The following KATNAL1 variants were observed in gnomAD, a reference collection of about 807,000 sequenced individuals.
KATNAL1 encodes katanin p60 ATPase-containing subunit A-like 1.
A neutral mutation model predicts 55.2 loss-of-function variants in KATNAL1; 32 were observed. That is an observed-to-expected ratio of 0.58 (90% CI 0.44 to 0.78). The LOEUF (loss-of-function observed/expected upper bound fraction) is 0.78, where lower values mean the gene tolerates loss of function less well. KATNAL1 is among the 30% of genes least tolerant of loss of function. The pLI, the probability that KATNAL1 is intolerant of heterozygous loss-of-function variation, is 0.00. For missense variants in KATNAL1, 466 were observed against 600.9 expected, an observed-to-expected ratio of 0.78 and a Z score of 2.35; for synonymous variants, 193 against 193.6, an observed-to-expected ratio of 1.00 and a Z score of 0.02.
At chr13:30,272,226 C>T (rs1006969507) in intron 3 of KATNAL1, among the ~76,000 whole-genome samples, 4 of 151,962 alleles carry the variant, frequency 2.6e-5, no homozygotes, top group Admixed American at 6.6e-5. Context: ...GGTGAAACCC[C>T]GTCTCTACTA....
At chr13:30,218,590 G>A (rs1392759222) in intron 9 of KATNAL1, among the ~76,000 whole-genome samples, 1 of 152,096 alleles carries the variant, frequency 6.6e-6, no homozygotes, top group Non-Finnish European at 1.5e-5. Flanking sequence ...CCCTTGAATT[G>A]GTGTGGGCCT....
At position 30,204,225 on chromosome 13, in the gene KATNAL1, G is replaced by C. The variant is rs1056747092; in HGVS notation, c.*4315C>G. On this transcript the variant is annotated 3_prime_UTR_variant, in exon 11 of 11. Transcript: ENST00000380615. ...ATACAAGTTAAGGTGGCCTTTTCTT[G>C]GAAAAGGCCAGCATTCACCCTTAAC... 1 of 152,088 alleles carries C rather than the reference G, an allele frequency of 6.6e-6. No homozygotes were observed. The highest frequency in any genetic ancestry group is 1.5e-5 in the Non-Finnish European group (1 of 67,996). 9.4% of individuals were successfully genotyped at this position (152,088 alleles called of 1,614,324 possible).
intron 9 of KATNAL1, among the ~76,000 whole-genome samples, chr13:30,224,862 T>C (rs1875284343): frequency 6.6e-6 from 1 of 152,150 alleles, no homozygotes. Flanking sequence ...CCAACTTAAG[T>C]GAAGCTGGAA....
chr13:30,303,526 T>C (rs113565860), intron 1 of KATNAL1, among the ~76,000 whole-genome samples: 3,361 of 152,298 alleles, frequency 0.022, 150 homozygotes, highest in African/African-American at 0.077. Flanking sequence ...GACTGCACCA[T>C]TGCATTCCAG....
chr13:30,265,305 A>G (rs1879662570), intron 3 of KATNAL1, among the ~76,000 whole-genome samples: 1 of 152,072 alleles, frequency 6.6e-6, no homozygotes, highest in African/African-American at 2.4e-5. Context: ...GCGCACCAGC[A>G]TGGCATATGT....
Position 30,210,456 on chromosome 13 carries a change from T to TTGG in KATNAL1, c.1148-17_1148-15dup. ...CTCTTCCTTTTGCTGTTACAAGATT[T>TTGG]TGGTGGTGTTGTTAGATGTTTTACT... On this transcript the variant is annotated splice_polypyrimidine_tract_variant and intron_variant, in intron 9 of 10. Transcript: ENST00000380615. The TTGG allele has an allele frequency of 6.3e-7, 1 of 1,593,714 alleles. No homozygotes were observed.
Position 30,274,950 on chromosome 13 carries a change from CACAG to C in KATNAL1, c.323+5109_323+5112del, listed in dbSNP as rs1250377481. On this transcript the variant is annotated intron_variant, in intron 3 of 10. Transcript: ENST00000380615. The stretch of plus-strand genomic sequence containing the variant: ...ACACACACACACACACACACACACA[CACAG>C]GAATATTATTCAACCTTAAGAGAAG... 3.2e-3 allele frequency among the ~76,000 whole-genome samples: 470 copies of C among 147,112 alleles called. 2 individuals are homozygous for C. The highest frequency in any genetic ancestry group is 0.011 in the African/African-American group (405 of 38,528).
chr13:30,303,619 T>A, intron 1 of KATNAL1, among the ~76,000 whole-genome samples: 1 of 152,312 alleles, frequency 6.6e-6, no homozygotes, highest in East Asian at 1.9e-4. Context: ...ATAAACATAT[T>A]TTCATTTACA....
intron 9 of KATNAL1, among the ~76,000 whole-genome samples, chr13:30,216,327 C>G (rs1034800548): frequency 2.0e-5 from 3 of 152,148 alleles, no homozygotes; most frequent in African/African-American, 4.8e-5. Context: ...AGGGAACACG[C>G]TGGGAGCTGC....
Position 30,295,521 on chromosome 13 carries a change from C to T in KATNAL1, c.-14-11730G>A, listed in dbSNP as rs868418053. Among the ~76,000 whole-genome samples, 22 of 152,004 alleles carry T rather than the reference C, an allele frequency of 1.4e-4. No homozygotes were observed. The South Asian group carries it at 1.7e-3, about 11-fold the overall frequency. Reference sequence around the variant, plus strand: ...GCTCACACCCGTAATCTCAACATTTCGGGAGGCCAAGGCAAAAGGATCACT... The same window carrying T: ...GCTCACACCCGTAATCTCAACATTTTGGGAGGCCAAGGCAAAAGGATCACT... On this transcript the variant is annotated intron_variant, in intron 1 of 10. Coordinates refer to ENST00000380615, the MANE Select transcript of KATNAL1 (RefSeq NM_032116.5).
At position 30,231,084 on chromosome 13, in the gene KATNAL1, G is replaced by A. The variant is rs148382290; in HGVS notation, c.885+230C>T. On this transcript the variant is annotated intron_variant, in intron 7 of 10. Transcript: ENST00000380615. Reference sequence around the variant, plus strand: ...ACCAAAGTCTCTTCTTCCACCCTGAGTGGACAGGATGCCAAAAGGCCTTGC... The same window carrying A: ...ACCAAAGTCTCTTCTTCCACCCTGAATGGACAGGATGCCAAAAGGCCTTGC... 2.7e-4 allele frequency among the ~76,000 whole-genome samples: 41 copies of A among 152,268 alleles called. No homozygotes were observed. The East Asian group carries it at 7.9e-3, about 29-fold the overall frequency.
At chr13:30,294,687 C>A (rs577494239) in intron 1 of KATNAL1, among the ~76,000 whole-genome samples, 5 of 152,268 alleles carry the variant, frequency 3.3e-5, no homozygotes, top group Non-Finnish European at 7.4e-5. Context: ...GACAAAATAG[C>A]CTTCTATTGG....
At chr13:30,260,377 G>A (rs1879174888) in intron 3 of KATNAL1, among the ~76,000 whole-genome samples, 1 of 152,252 alleles carries the variant, frequency 6.6e-6, no homozygotes. Flanking sequence ...GACGGAGAAT[G>A]ACTTTGATGA....
intron 9 of KATNAL1, among the ~76,000 whole-genome samples, chr13:30,214,522 A>G (rs1429879113): frequency 6.6e-6 from 1 of 152,234 alleles, no homozygotes; most frequent in Non-Finnish European, 1.5e-5. Context: ...ACTTCAAACT[A>G]TACTACAAGG....
rs1430913941 is a variant in KATNAL1, at chr13:30,249,357, T to G, written c.492+6090A>C. On this transcript the variant is annotated intron_variant, in intron 4 of 10. Transcript: ENST00000380615. The stretch of plus-strand genomic sequence containing the variant: ...TGGAAACTGGTGTTCTTCCCTAGTT[T>G]AATTTATGCATATCCTATGACCCAG... 4.6e-5 allele frequency among the ~76,000 whole-genome samples: 7 copies of G among 152,328 alleles called. No individual in the cohort carries two copies. In the South Asian group the frequency reaches 1.5e-3, roughly 32 times the overall value.
intron 1 of KATNAL1, among the ~76,000 whole-genome samples, chr13:30,284,839 A>G (rs750512206): frequency 1.4e-4 from 22 of 152,218 alleles, no homozygotes; most frequent in Non-Finnish European, 2.5e-4. Flanking sequence ...AAAGTCTCCT[A>G]GAATCATCCA....
intron 6 of KATNAL1, among the ~76,000 whole-genome samples, chr13:30,239,787 G>T (rs915699469): frequency 1.3e-5 from 2 of 148,726 alleles, no homozygotes; most frequent in African/African-American, 4.9e-5. Flanking sequence ...GCGGGTTCAA[G>T]CAATTCTCCT....
In KATNAL1 at chr13:30,206,710, A is replaced by T. The variant is rs1437392053; in HGVS notation, c.*1830T>A. The T allele has an allele frequency of 6.6e-6, 1 of 152,156 alleles. No individual in the cohort carries two copies. The highest frequency in any genetic ancestry group is 1.9e-4 in the East Asian group (1 of 5,196). The allele number at this position is 152,156 out of a possible 1,614,324, so 9.4% of individuals were successfully genotyped here. Reference sequence around the variant, plus strand: ...ACCAACCCATTACAAACAAGTTTTAACAATCACAAGACTAATGTTTTAGTG... The same window carrying T: ...ACCAACCCATTACAAACAAGTTTTATCAATCACAAGACTAATGTTTTAGTG... On this transcript the variant is annotated 3_prime_UTR_variant, in exon 11 of 11. Transcript: ENST00000380615.
chr13:30,216,060 A>G (rs1874196750), intron 9 of KATNAL1, among the ~76,000 whole-genome samples: 1 of 152,228 alleles, frequency 6.6e-6, no homozygotes, highest in South Asian at 2.1e-4. Context: ...GTGAGGTGGC[A>G]GCCTTATATG....
Sources: gnomAD v4.1 joint callset for allele counts (sites outside exome capture counted in the v4.1 genomes callset) on GRCh38, gnomAD v4.1.1 for gene constraint, MANE v1.5 for transcripts, NCBI Gene and HGNC (gene_info 2026-07-23, HGNC 2026-07-21) for gene names.